Variants in SRCIN1 observed in about 807,000 individuals in gnomAD.
SRCIN1 encodes P130Cas-associated protein.
In SRCIN1, 50 loss-of-function variants were observed where a neutral mutation model predicts 116.2. The observed-to-expected ratio is 0.43, with a 90% CI of 0.34 to 0.54. SRCIN1 has a LOEUF of 0.54. Among genes scored for constraint, SRCIN1 ranks in the 20% least tolerant of loss-of-function variants. The probability of loss-of-function intolerance (pLI) is 0.02; values close to 1 mark genes in which losing one functional copy is unlikely to be tolerated. For missense variants in SRCIN1, 1,446 were observed against 1,672.0 expected (o/e 0.86, Z 2.36); for synonymous variants, 736 against 750.0 (o/e 0.98, Z 0.30).
At chr17:38,589,836 G>A (rs562179174) in intron 1 of SRCIN1, among the ~76,000 whole-genome samples, 3 of 152,308 alleles carry the variant, frequency 2.0e-5, no homozygotes, top group Admixed American at 2.0e-4. Context: ...TGCAGCCCAT[G>A]ATTCTCTCTC....
chr17:38,561,711 G>C lies in SRCIN1; in HGVS notation c.1452C>G (p.Pro484=), dbSNP rs373314412. 22 of 1,536,948 alleles carry C rather than the reference G, an allele frequency of 1.4e-5. No homozygotes were observed. In the East Asian group the frequency reaches 4.9e-4, roughly 34 times the overall value. Residue 484 remains proline, a synonymous_variant, in exon 7 of 19, where the codon CCC becomes CCG. Transcript: ENST00000617146. ...SPQKLADVAA[P]PGGPPPPHSP... is the part of the protein sequence containing the mutation. ...TGTGCGGTGGCGGGGGACCTCCGGG[G>C]GGTGCTGCCACGTCGGCCAGCTTCT...
At chr17:38,543,517 G>A (rs1904879196) in intron 18 of SRCIN1, among the ~76,000 whole-genome samples, 2 of 152,200 alleles carry the variant, frequency 1.3e-5, no homozygotes, top group African/African-American at 2.4e-5. Flanking sequence ...TCGCTCGCTC[G>A]CCCCTCCTCC....
At chr17:38,560,024 C>A (rs747193980) in intron 9 of SRCIN1, 30 bp downstream of exon 9, 1 of 1,523,336 alleles carries the variant, frequency 6.6e-7, no homozygotes. Flanking sequence ...TCGGAGAGAA[C>A]AAGGATGGGG....
intron 1 of SRCIN1, among the ~76,000 whole-genome samples, chr17:38,600,373 G>A (rs1908954988): frequency 6.6e-6 from 1 of 152,232 alleles, no homozygotes; most frequent in African/African-American, 2.4e-5. Context: ...GGCAGGACTA[G>A]GGTGGCAGGC....
At position 38,533,281 on chromosome 17, in the gene SRCIN1, G is replaced by T. The variant is rs2040950693; in HGVS notation, c.*16C>A. On this transcript the variant is annotated 3_prime_UTR_variant, in exon 19 of 19. Transcript: ENST00000617146. The stretch of plus-strand genomic sequence containing the variant: ...GTGAGGGAGGGGGACAGGCGGGGCA[G>T]CGGGGTGAGGGGCTTCTAGAAGGAG... The T allele has an allele frequency of 1.9e-6, 3 of 1,541,208 alleles. No individual in the cohort carries two copies. In the African/African-American group the frequency reaches 4.1e-5, roughly 21 times the overall value.
Position 38,559,624 on chromosome 17 carries a change from A to T in SRCIN1, c.1986T>A (p.Ser662Arg). The T allele has an allele frequency of 6.2e-7, 1 of 1,603,196 alleles. No individual in the cohort carries two copies. The highest frequency in any genetic ancestry group is 8.5e-7 in the Non-Finnish European group (1 of 1,179,496). ...LHLRGLQNSA[S>R]DLRGQLQQLR... ...ACTGCTGGAGCTGGCCGCGCAAGTCACTGGCGCTGTTCTGCAGGCCTCGCA... is the reference window on the plus strand; with the variant it reads ...ACTGCTGGAGCTGGCCGCGCAAGTCTCTGGCGCTGTTCTGCAGGCCTCGCA... Residue 662 changes from serine (S) to arginine (R), a missense_variant, in exon 10 of 19, where the codon AGT becomes AGA. Transcript: ENST00000617146.
At chr17:38,540,740 G>GGTGTGTGTGTGTGT (rs151164930) in intron 18 of SRCIN1, among the ~76,000 whole-genome samples, 2 of 146,758 alleles carry the variant, frequency 1.4e-5, no homozygotes, top group African/African-American at 5.1e-5. Context: ...AGCTGGCAGG[G>GGTGTGTGTGTGTGT]GTGTGTGTGT....
In SRCIN1 at chr17:38,561,831, C is replaced by G; in HGVS notation, c.1332G>C (p.Gln444His). ...TGTACAGGGAGTCCTCCAGATCGGACTGCAGCGCGGCGGCCGAGTAGGTGC... is the reference window on the plus strand; with the variant it reads ...TGTACAGGGAGTCCTCCAGATCGGAGTGCAGCGCGGCGGCCGAGTAGGTGC... ...SLSTYSAAAL[Q>H]SDLEDSLYKA... The change falls in exon 7 of 19, where the codon CAG (glutamine) becomes CAC (histidine). Residue 444 changes from glutamine (Q) to histidine (H), a missense_variant. Transcript: ENST00000617146. The G allele has an allele frequency of 6.8e-7, 1 of 1,478,262 alleles. No individual in the cohort carries two copies. The highest frequency in any genetic ancestry group is 8.9e-7 in the Non-Finnish European group (1 of 1,123,986). 91.6% of individuals were successfully genotyped at this position (1,478,262 alleles called of 1,614,324 possible). A position where few individuals can be genotyped will look rare whatever the true frequency, so the allele number is the denominator to read the frequency against.
chr17:38,551,828 G>A (rs532388713), intron 14 of SRCIN1, 58 bp downstream of exon 14: 2 of 1,607,690 alleles, frequency 1.2e-6, no homozygotes, highest in East Asian at 4.5e-5. Context: ...AGGAAGGATG[G>A]TCGTAAGAAT....
At chr17:38,560,767 G>A (rs1245346187) in intron 7 of SRCIN1, among the ~76,000 whole-genome samples, 1 of 152,204 alleles carries the variant, frequency 6.6e-6, no homozygotes, top group Non-Finnish European at 1.5e-5. Context: ...GTGGAGGTAT[G>A]CTGAGTGTCT....
At chr17:38,583,548 GTTTTTT>G (rs10691272) in intron 1 of SRCIN1, among the ~76,000 whole-genome samples, 8,553 of 103,966 alleles carry the variant, frequency 0.082, 515 homozygotes, top group African/African-American at 0.24. Context: ...TTCATTTTCT[GTTTTTT>G]TTTTTTTTTT....
At position 38,563,492 on chromosome 17, in the gene SRCIN1, T is replaced by A; in HGVS notation, c.571A>T (p.Thr191Ser). 1 of 1,552,856 alleles carries A rather than the reference T, an allele frequency of 6.4e-7. No homozygotes were observed. The highest frequency in any genetic ancestry group is 8.7e-7 in the Non-Finnish European group (1 of 1,148,068). ...TCGTGCGTGATGTGCACGCGCCGAGTCTCCTCCCCGAACTGCAGGAACAGC... is the reference window on the plus strand; with the variant it reads ...TCGTGCGTGATGTGCACGCGCCGAGACTCCTCCCCGAACTGCAGGAACAGC... ...GVLFLQFGEE[T>S]RRVHITHEVS... The change falls in exon 5 of 19, where the codon ACT becomes TCT. Residue 191 changes from threonine to serine, a missense_variant. Transcript: ENST00000617146. The surrounding 1 kb of genome is among the most constrained non-coding windows in gnomAD (Gnocchi z 5.8).
intron 1 of SRCIN1, among the ~76,000 whole-genome samples, chr17:38,582,883 G>A (rs1907900593): frequency 6.6e-6 from 1 of 152,028 alleles, no homozygotes; most frequent in Non-Finnish European, 1.5e-5. Flanking sequence ...TCTGGTTGAG[G>A]GTGGGGGAGC....
Position 38,552,217 on chromosome 17 carries a change from G to A in SRCIN1, c.2481-85C>T, listed in dbSNP as rs207476395. On this transcript the variant is annotated intron_variant, in intron 13 of 18. Coordinates refer to ENST00000617146, the MANE Select transcript of SRCIN1 (RefSeq NM_025248.3). The surrounding 1 kb of genome is among the most constrained non-coding windows in gnomAD (Gnocchi z 5.3). ...AAGGCTGCTCTGAGGGAGGTGGGGT[G>A]GGAGGCAGGCTCTGGGATGCTGTGG... 1 of 1,539,838 alleles carries A rather than the reference G, an allele frequency of 6.5e-7. No individual in the cohort carries two copies. Among genetic ancestry groups the A allele is most frequent in the East Asian group, 2.3e-5 (1 of 44,228 alleles).
At position 38,533,220 on chromosome 17, in the gene SRCIN1, G is replaced by A. The variant is rs1322106025; in HGVS notation, c.*77C>T. On this transcript the variant is annotated 3_prime_UTR_variant, in exon 19 of 19. Transcript: ENST00000617146. ...CGTCTGGAGAGTAGGGTGGGGTGGGGTGGAGATGAAGGAAGAGAGGGGAGA... is the reference window on the plus strand; with the variant it reads ...CGTCTGGAGAGTAGGGTGGGGTGGGATGGAGATGAAGGAAGAGAGGGGAGA... 3.0e-5 allele frequency: 45 copies of A among 1,487,818 alleles called. No homozygotes were observed. The South Asian group carries it at 4.3e-4, about 14-fold the overall frequency. The allele number at this position is 1,487,818 out of a possible 1,614,324, so 92.2% of individuals were successfully genotyped here.
chr17:38,593,314 G>T (rs558834112), intron 1 of SRCIN1, among the ~76,000 whole-genome samples: 1 of 152,288 alleles, frequency 6.6e-6, no homozygotes, highest in African/African-American at 2.4e-5. Flanking sequence ...GGAGGAACAG[G>T]GTTGGGGAGG....
chr17:38,593,513 C>T (rs1908554255), intron 1 of SRCIN1, among the ~76,000 whole-genome samples: 2 of 152,138 alleles, frequency 1.3e-5, no homozygotes, highest in African/African-American at 4.8e-5. Context: ...GGGACTCTCT[C>T]TCTGACCTCA....
rs535162730 is a variant in SRCIN1 at position 38,549,036 on chromosome 17, G to C, written c.3117+20C>G. 12 of 1,612,736 alleles carry C rather than the reference G, an allele frequency of 7.4e-6. No individual in the cohort carries two copies. In the African/African-American group the frequency reaches 8.0e-5, roughly 11 times the overall value. ...TCCTAACTCAGTCCCCTGGCCCTCT[G>C]TCTGAGGTGGGAGTGGTACCTTGAT... On this transcript the variant is annotated intron_variant, in intron 16 of 18. Transcript: ENST00000617146.
intron 3 of SRCIN1, among the ~76,000 whole-genome samples, chr17:38,566,530 T>C (rs1026247441): frequency 5.9e-5 from 9 of 151,972 alleles, no homozygotes; most frequent in Non-Finnish European, 8.8e-5. Flanking sequence ...CCATGGGAGG[T>C]AGAGAGCGCC....
Sources: allele counts gnomAD v4.1 joint callset (sites outside exome capture counted in the v4.1 genomes callset), GRCh38; gene constraint gnomAD v4.1.1; non-coding constraint Gnocchi (gnomAD v3.1); transcripts MANE v1.5; gene names NCBI Gene and HGNC (gene_info 2026-07-23, HGNC 2026-07-21).